The following BACE2 variants were observed in gnomAD, a reference collection of about 807,000 sequenced individuals.
The protein encoded by BACE2 is 56 kDa aspartic-like protease.
BACE2 carries 17 observed loss-of-function variants against 46.2 expected under a neutral mutation model. The observed-to-expected ratio is 0.37, with a 90% CI of 0.25 to 0.55. The LOEUF (loss-of-function observed/expected upper bound fraction) is 0.55, where lower values mean the gene tolerates loss of function less well. Ranked by LOEUF, BACE2 falls within the 20% of genes least tolerant of loss-of-function variation. BACE2 has a pLI of 0.82. For synonymous variants in BACE2, 277 were observed against 295.9 expected (o/e 0.94, Z 0.66); for missense variants, 595 against 698.1 (o/e 0.85, Z 1.66).
At chr21:41,247,192 C>T (rs990321765) in intron 6 of BACE2, among the ~76,000 whole-genome samples, 1 of 152,108 alleles carries the variant, frequency 6.6e-6, no homozygotes, top group Admixed American at 6.5e-5. Context: ...ACGTGACAAG[C>T]GGGAGAGGGC....
In BACE2 at chr21:41,275,343, T is replaced by C. The variant is rs754264788; in HGVS notation, c.1304-28T>C. The C allele has an allele frequency of 5.0e-6, 8 of 1,613,530 alleles. No individual in the cohort carries two copies. In the Admixed American group the frequency reaches 1.3e-4, roughly 27 times the overall value. ...AGAGGTGGACCGCTCATTTCACAGC[T>C]GTGGATTTTCCCTTTCTGTCTCCCC... is the stretch of plus-strand genomic sequence containing the variant. On this transcript the variant is annotated intron_variant, in intron 8 of 8. Coordinates refer to ENST00000330333, the MANE Select transcript of BACE2 (RefSeq NM_012105.5).
intron 1 of BACE2, among the ~76,000 whole-genome samples, chr21:41,205,937 C>T (rs1986108993): frequency 6.6e-6 from 1 of 152,046 alleles, no homozygotes; most frequent in Non-Finnish European, 1.5e-5. Flanking sequence ...ATGAATCTCC[C>T]CCAAAGAACT....
chr21:41,207,311 C>G (rs1383866606), intron 1 of BACE2, among the ~76,000 whole-genome samples: 2 of 152,170 alleles, frequency 1.3e-5, no homozygotes, highest in African/African-American at 4.8e-5. Flanking sequence ...TCCCCCTCCC[C>G]AACTATCATC....
At chr21:41,183,412 A>G (rs992571076) in intron 1 of BACE2, 1 of 167,106 alleles carries the variant, frequency 6.0e-6, no homozygotes, top group African/African-American at 2.4e-5. Context: ...ATCACAATAC[A>G]TGTACATATA....
At chr21:41,250,398 G>A (rs923338342) in intron 6 of BACE2, among the ~76,000 whole-genome samples, 2 of 152,210 alleles carry the variant, frequency 1.3e-5, no homozygotes, top group African/African-American at 4.8e-5. Flanking sequence ...GCCCTCTGCT[G>A]TGTGACCTTG....
intron 1 of BACE2, among the ~76,000 whole-genome samples, chr21:41,194,110 A>G (rs1210406445): frequency 6.6e-6 from 1 of 152,174 alleles, no homozygotes; most frequent in Admixed American, 6.5e-5. Context: ...CTCTGTTTTT[A>G]TAATTCAAAT....
In BACE2 at chr21:41,243,530, T is replaced by C. The variant is rs1469135369; in HGVS notation, c.882+20T>C. On this transcript the variant is annotated intron_variant, in intron 5 of 8. Coordinates refer to ENST00000330333, the MANE Select transcript of BACE2 (RefSeq NM_012105.5). ...AGAGAGGTATTTATGCTATGGTCTC[T>C]GTTGTGTCTTTCTGTGTATGTCTGG... 6 of 1,594,302 alleles carry C rather than the reference T, an allele frequency of 3.8e-6. No individual in the cohort carries two copies. Among genetic ancestry groups the C allele is most frequent in the Admixed American group, 3.5e-5 (2 of 56,718 alleles).
chr21:41,223,486 G>T (rs1033484719), intron 1 of BACE2, among the ~76,000 whole-genome samples: 1 of 152,140 alleles, frequency 6.6e-6, no homozygotes, highest in African/African-American at 2.4e-5. Context: ...CCAGCCCCTG[G>T]CCATGGTTGT....
intron 6 of BACE2, 88 bp from the exon 7 acceptor site, chr21:41,250,664 C>G: frequency 3.2e-6 from 4 of 1,249,962 alleles, no homozygotes; most frequent in Non-Finnish European, 4.6e-6. Context: ...CTGTGGGCAT[C>G]TGGCGAGGTG....
At chr21:41,187,674 G>A (rs1388125365) in intron 1 of BACE2, among the ~76,000 whole-genome samples, 1 of 152,194 alleles carries the variant, frequency 6.6e-6, no homozygotes, top group African/African-American at 2.4e-5. Flanking sequence ...AGGTGAAGAT[G>A]TGATGTGTAG....
intron 8 of BACE2, among the ~76,000 whole-genome samples, chr21:41,262,029 A>G (rs1027970944): frequency 2.6e-5 from 4 of 152,180 alleles, no homozygotes; most frequent in African/African-American, 7.2e-5. Context: ...ACATTCTCCT[A>G]TATAACCACA....
chr21:41,183,720 C>T (rs1226931768), intron 1 of BACE2: 1 of 167,096 alleles, frequency 6.0e-6, no homozygotes, highest in Non-Finnish European at 1.5e-5. Context: ...TCCTCTGGGA[C>T]AGTAAACTTA....
chr21:41,192,568 G>C (rs1393979354), intron 1 of BACE2, among the ~76,000 whole-genome samples: 1 of 152,170 alleles, frequency 6.6e-6, no homozygotes, highest in Non-Finnish European at 1.5e-5. Flanking sequence ...GAAGAAGATG[G>C]CAGGGCCTTG....
Position 41,168,414 on chromosome 21 carries a change from AC to A in BACE2, c.155del (p.Pro52LeufsTer30). On this transcript the variant is annotated frameshift_variant, in exon 1 of 9. Coordinates refer to ENST00000330333, the MANE Select transcript of BACE2 (RefSeq NM_012105.5). LOFTEE classifies it high-confidence loss of function. ...AGTTGCGCCCACCCCGGGACCCGGG[AC>A]CCCTGCCGAGCGCCACGCCGACGGC... ...RVVAPTPGPG[T>X]PAERHADGLA... 7.1e-7 allele frequency: 1 copy of A among 1,406,946 alleles called. No individual in the cohort carries two copies. The highest frequency in any genetic ancestry group is 9.3e-7 in the Non-Finnish European group (1 of 1,078,280). 87.2% of individuals were successfully genotyped at this position (1,406,946 alleles called of 1,614,324 possible). A position where few individuals can be genotyped will look rare whatever the true frequency, so the allele number is the denominator to read the frequency against.
At chr21:41,233,351 CAT>C (rs1372261488) in intron 2 of BACE2, among the ~76,000 whole-genome samples, 2 of 151,258 alleles carry the variant, frequency 1.3e-5, no homozygotes, top group Non-Finnish European at 2.9e-5. Context: ...GAAACCGAGG[CAT>C]AGAGAAATAA....
At chr21:41,190,510 A>C (rs965096843) in intron 1 of BACE2, among the ~76,000 whole-genome samples, 1 of 152,248 alleles carries the variant, frequency 6.6e-6, no homozygotes, top group East Asian at 1.9e-4. Context: ...TGACAATTAC[A>C]GTCCTCGTTT....
intron 1 of BACE2, among the ~76,000 whole-genome samples, chr21:41,217,538 A>G (rs1203915898): frequency 6.6e-6 from 1 of 152,166 alleles, no homozygotes; most frequent in Non-Finnish European, 1.5e-5. Flanking sequence ...GTGAACACTC[A>G]GGGCCCTGTG....
chr21:41,220,660 C>G (rs1986613740), intron 1 of BACE2, among the ~76,000 whole-genome samples: 1 of 151,600 alleles, frequency 6.6e-6, no homozygotes, highest in Non-Finnish European at 1.5e-5. Flanking sequence ...TGTTGAGCAT[C>G]TAATATTTGG....
intron 1 of BACE2, among the ~76,000 whole-genome samples, chr21:41,210,205 T>C (rs967504405): frequency 6.6e-6 from 1 of 151,078 alleles, no homozygotes; most frequent in Non-Finnish European, 1.5e-5. Context: ...AAAAGTAAGC[T>C]CCTAAGCCCC....
Sources: allele counts gnomAD v4.1 joint callset (sites outside exome capture counted in the v4.1 genomes callset), GRCh38; gene constraint gnomAD v4.1.1; transcripts MANE v1.5; gene names NCBI Gene and HGNC (gene_info 2026-07-23, HGNC 2026-07-21).